TMEM108: variants seen among roughly 807,000 people sequenced by gnomAD.
TMEM108 encodes cancer/testis antigen 124.
TMEM108 carries 12 observed loss-of-function variants against 35.1 expected under a neutral mutation model. The ratio of observed to expected loss-of-function variants is 0.34; its 90% CI spans 0.22 to 0.55. TMEM108 has a LOEUF of 0.55. Ranked by LOEUF, TMEM108 falls within the 20% of genes least tolerant of loss-of-function variation. The pLI, the probability that TMEM108 is intolerant of heterozygous loss-of-function variation, is 0.89. For missense variants in TMEM108, 680 were observed against 753.3 expected, an observed-to-expected ratio of 0.90 and a Z score of 1.14; for synonymous variants, 287 against 308.6, an observed-to-expected ratio of 0.93 and a Z score of 0.73.
chr3:133,203,138 A>G (rs1361555974), intron 2 of TMEM108, among the ~76,000 whole-genome samples: 4 of 152,100 alleles, frequency 2.6e-5, no homozygotes, highest in South Asian at 2.1e-4. Flanking sequence ...TTGCACGTTG[A>G]TTTTGTATCC....
intron 2 of TMEM108, among the ~76,000 whole-genome samples, chr3:133,146,933 T>G (rs1944729980): frequency 6.6e-6 from 1 of 152,200 alleles, no homozygotes; most frequent in Admixed American, 6.5e-5. Context: ...ATTGATTTTT[T>G]GAAGGCTTTT....
chr3:133,186,479 C>T (rs1169725330), intron 2 of TMEM108, among the ~76,000 whole-genome samples: 1 of 152,228 alleles, frequency 6.6e-6, no homozygotes, highest in Non-Finnish European at 1.5e-5. Context: ...GGCATAGCAT[C>T]AGCTACTATG....
intron 2 of TMEM108, among the ~76,000 whole-genome samples, chr3:133,082,283 A>T (rs1472632992): frequency 6.6e-6 from 1 of 152,246 alleles, no homozygotes; most frequent in Non-Finnish European, 1.5e-5. Flanking sequence ...ATGATGGTGC[A>T]TAACTGCCAG....
intron 3 of TMEM108, among the ~76,000 whole-genome samples, chr3:133,369,978 T>C (rs1490624589): frequency 6.6e-6 from 1 of 152,202 alleles, no homozygotes; most frequent in Non-Finnish European, 1.5e-5. Flanking sequence ...TTTTAAAATT[T>C]AGAAGTTTTA....
chr3:133,139,894 G>A (rs112667192), intron 2 of TMEM108, among the ~76,000 whole-genome samples: 1,570 of 152,252 alleles, frequency 0.01, 14 homozygotes, highest in Middle Eastern at 0.024. Flanking sequence ...CTCCAGCAGG[G>A]CAGTGAGCTG....
intron 3 of TMEM108, among the ~76,000 whole-genome samples, chr3:133,230,079 T>C (rs1946130310): frequency 6.6e-6 from 1 of 152,226 alleles, no homozygotes; most frequent in African/African-American, 2.4e-5. Flanking sequence ...CAATAGGCAT[T>C]ACCCGCTCCA....
At chr3:133,194,136 C>T (rs995141722) in intron 2 of TMEM108, among the ~76,000 whole-genome samples, 2 of 151,992 alleles carry the variant, frequency 1.3e-5, no homozygotes, top group African/African-American at 4.8e-5. Context: ...GGGGTTTCAC[C>T]ATATTGGTCA....
At chr3:133,393,156 C>G (rs1468280272) in intron 5 of TMEM108, among the ~76,000 whole-genome samples, 1 of 152,200 alleles carries the variant, frequency 6.6e-6, no homozygotes, top group Non-Finnish European at 1.5e-5. Context: ...TGCACCCTAT[C>G]TGAAATGCTT....
rs560685432 is a variant in TMEM108 at position 133,161,063 on chromosome 3, G to T, written c.-46-68203G>T. Among the ~76,000 whole-genome samples the T allele has an allele frequency of 2.6e-5, 4 of 152,162 alleles. 1 individual carries two copies. The highest frequency in any genetic ancestry group is 9.6e-5 in the African/African-American group (4 of 41,514). On this transcript the variant is annotated intron_variant, in intron 2 of 5. Transcript: ENST00000321871. ...GGTTTCTTGCTTAAAATCCTCCAGTGACTTCTCAATTTTTGGCATATTGAA... is the reference window on the plus strand; with the variant it reads ...GGTTTCTTGCTTAAAATCCTCCAGTTACTTCTCAATTTTTGGCATATTGAA...
At chr3:133,146,159 A>T (rs1392400769) in intron 2 of TMEM108, among the ~76,000 whole-genome samples, 1 of 152,190 alleles carries the variant, frequency 6.6e-6, no homozygotes, top group Non-Finnish European at 1.5e-5. Context: ...TAGTTTATTG[A>T]GAGTTTTTAG....
At position 133,214,004 on chromosome 3, in the gene TMEM108, G is replaced by T. The variant is rs185823084; in HGVS notation, c.-46-15262G>T. Among the ~76,000 whole-genome samples, 75 of 152,266 alleles carry T rather than the reference G, an allele frequency of 4.9e-4. No individual in the cohort carries two copies. In the East Asian group the frequency reaches 0.013, roughly 25 times the overall value. On this transcript the variant is annotated intron_variant, in intron 2 of 5. Coordinates refer to ENST00000321871, the MANE Select transcript of TMEM108 (RefSeq NM_023943.4). ...TGGGGAATGGCCCAAAAGCCTTTGG[G>T]TCATTTCTGGCTTCGGGGAATCACA... is the stretch of plus-strand genomic sequence containing the variant.
chr3:133,052,512 C>T, intron 2 of TMEM108, among the ~76,000 whole-genome samples: 1 of 145,674 alleles, frequency 6.9e-6, no homozygotes, highest in East Asian at 2.0e-4. Flanking sequence ...TGTTCTATTG[C>T]ATTACCCAGG....
chr3:133,220,313 G>A (rs557371819), intron 2 of TMEM108, among the ~76,000 whole-genome samples: 41 of 151,684 alleles, frequency 2.7e-4, no homozygotes, highest in African/African-American at 7.3e-4. Flanking sequence ...GTCTCACTGC[G>A]TTGACCAGGC....
chr3:133,177,559 C>A (rs1333084461), intron 2 of TMEM108, among the ~76,000 whole-genome samples: 10 of 152,160 alleles, frequency 6.6e-5, no homozygotes, highest in Admixed American at 3.9e-4. Context: ...GAACCAACGA[C>A]AAAAACCACA....
chr3:133,341,527 TA>T (rs371137914), intron 3 of TMEM108, among the ~76,000 whole-genome samples: 1 of 151,958 alleles, frequency 6.6e-6, no homozygotes, highest in Non-Finnish European at 1.5e-5. Context: ...TTCACAGAAA[TA>T]GTAGAAATAG....
intron 2 of TMEM108, among the ~76,000 whole-genome samples, chr3:133,105,702 C>T (rs1026896651): frequency 6.6e-6 from 1 of 152,180 alleles, no homozygotes; most frequent in Non-Finnish European, 1.5e-5. Flanking sequence ...GACTTTCTCT[C>T]GTCCACAAGT....
intron 2 of TMEM108, among the ~76,000 whole-genome samples, chr3:133,069,842 A>G (rs1168706851): frequency 6.6e-6 from 1 of 152,138 alleles, no homozygotes; most frequent in Non-Finnish European, 1.5e-5. Context: ...GAATGTGTAC[A>G]TTGTTCAGTC....
chr3:133,364,195 G>A (rs1364430265), intron 3 of TMEM108, among the ~76,000 whole-genome samples: 2 of 152,214 alleles, frequency 1.3e-5, no homozygotes, highest in African/African-American at 2.4e-5. Context: ...GGAGAGAGAA[G>A]TTTGAACCTT....
intron 3 of TMEM108, among the ~76,000 whole-genome samples, chr3:133,366,476 C>T (rs2072503015): frequency 6.6e-6 from 1 of 152,226 alleles, no homozygotes; most frequent in Admixed American, 6.5e-5. Context: ...CCAGGTTCCT[C>T]CAGCTTTCTT....
Sources: allele counts gnomAD v4.1 joint callset (sites outside exome capture counted in the v4.1 genomes callset), GRCh38; gene constraint gnomAD v4.1.1; transcripts MANE v1.5; gene names NCBI Gene and HGNC (gene_info 2026-07-23, HGNC 2026-07-21).